The following TMEM245 variants were observed in gnomAD, a reference collection of about 807,000 sequenced individuals.
TMEM245 encodes protein CG-2.
A neutral mutation model predicts 101.2 loss-of-function variants in TMEM245; 69 were observed. That is an observed-to-expected ratio of 0.68 (90% CI 0.56 to 0.83). The LOEUF (loss-of-function observed/expected upper bound fraction) is 0.83. Among genes scored for constraint, TMEM245 ranks in the 40% least tolerant of loss-of-function variants. The pLI, the probability that TMEM245 is intolerant of heterozygous loss-of-function variation, is 0.00. For synonymous variants in TMEM245, 537 were observed against 449.8 expected, an observed-to-expected ratio of 1.19 and a Z score of -2.45; for missense variants, 1,075 against 1,092.8, an observed-to-expected ratio of 0.98 and a Z score of 0.23.
At chr9:109,041,452 A>ATTT (rs1475469527) in intron 14 of TMEM245, among the ~76,000 whole-genome samples, 4 of 129,668 alleles carry the variant, frequency 3.1e-5, no homozygotes, top group African/African-American at 9.7e-5. Context: ...CCATCCTACA[A>ATTT]ATTTTTTTTT....
intron 14 of TMEM245, among the ~76,000 whole-genome samples, chr9:109,044,623 G>C (rs563549013): frequency 6.6e-6 from 1 of 152,128 alleles, no homozygotes; most frequent in Non-Finnish European, 1.5e-5. Context: ...ACAATAACCA[G>C]TGGGAAAAGT....
At chr9:109,093,969 T>A (rs1478273536) in intron 3 of TMEM245, among the ~76,000 whole-genome samples, 3 of 152,246 alleles carry the variant, frequency 2.0e-5, no homozygotes, top group Non-Finnish European at 4.4e-5. Context: ...CTATGTTGTA[T>A]GACTAGGTCT....
chr9:109,086,846 A>G (rs1333882593), intron 6 of TMEM245, among the ~76,000 whole-genome samples: 1 of 152,200 alleles, frequency 6.6e-6, no homozygotes, highest in Non-Finnish European at 1.5e-5. Flanking sequence ...AATATTCACT[A>G]AACTGAGCCA....
At chr9:109,081,035 C>A in intron 7 of TMEM245, 92 bp from the exon 8 acceptor site, 1 of 850,474 alleles carries the variant, frequency 1.2e-6, no homozygotes, top group Non-Finnish European at 1.9e-6. Context: ...AACAGGATCT[C>A]CAGCATGGCA....
chr9:109,071,025 G>C (rs1211936772), intron 9 of TMEM245, among the ~76,000 whole-genome samples: 1 of 152,028 alleles, frequency 6.6e-6, no homozygotes, highest in South Asian at 2.1e-4. Flanking sequence ...GGGATTACAG[G>C]TGTGTGCCAC....
chr9:109,119,856 C>T lies in TMEM245; in HGVS notation c.58G>A (p.Ala20Thr). 7.5e-7 allele frequency: 1 copy of T among 1,329,044 alleles called. No homozygotes were observed. The highest frequency in any genetic ancestry group is 9.5e-7 in the Non-Finnish European group (1 of 1,049,982). 82.3% of individuals were successfully genotyped at this position (1,329,044 alleles called of 1,614,324 possible). The change falls in exon 1 of 18, where the codon GCG (alanine) becomes ACG (threonine). Residue 20 changes from alanine to threonine, a missense_variant. Ala to Thr is a moderately conservative substitution (Grantham distance 58). Around this residue, in one of 2 missense-constraint regions of TMEM245, gnomAD observed 808 missense variants for 741.5 expected, o/e 1.09. Transcript: ENST00000374586. The stretch of plus-strand genomic sequence containing the variant: ...CCGACCGCGCGCGGGACCCGCGGCG[C>T]CGGCCCGGGAGAGCTCCGCAGGCTT... ...APSLRSSPGP[A>T]PRVPRAVGPS... is the part of the protein sequence containing the mutation.
At chr9:109,052,368 G>A (rs1828711005) in intron 12 of TMEM245, among the ~76,000 whole-genome samples, 1 of 152,236 alleles carries the variant, frequency 6.6e-6, no homozygotes, top group Admixed American at 6.5e-5. Flanking sequence ...AAGCTAGTAA[G>A]TGGAACTAGA....
At chr9:109,043,809 T>C (rs575200) in intron 14 of TMEM245, among the ~76,000 whole-genome samples, 134,604 of 152,126 alleles carry the variant, frequency 0.88, 60,317 homozygotes, top group East Asian at 1. Context: ...TAGACTATTA[T>C]AGAGCAGGAT....
upstream of TMEM245, chr9:109,119,947 T>TA: frequency 7.8e-7 from 1 of 1,287,520 alleles, no homozygotes; most frequent in Non-Finnish European, 9.8e-7. Context: ...CGAGGGGCGG[T>TA]AATGGGAGTC....
chr9:109,062,442 T>C (rs1047329149), intron 10 of TMEM245, among the ~76,000 whole-genome samples: 1 of 152,240 alleles, frequency 6.6e-6, no homozygotes, highest in Non-Finnish European at 1.5e-5. Flanking sequence ...TTTTAGGGAA[T>C]TTAACAGGTG....
intron 12 of TMEM245, 40 bp from the exon 13 acceptor site, chr9:109,050,732 A>G (rs369202102): frequency 2.5e-6 from 4 of 1,609,554 alleles, no homozygotes; most frequent in African/African-American, 1.4e-5. Flanking sequence ...ACCAATCCTC[A>G]TGAAAAAAGT....
intron 12 of TMEM245, among the ~76,000 whole-genome samples, chr9:109,051,222 G>A (rs1828670118): frequency 6.6e-6 from 1 of 151,128 alleles, no homozygotes; most frequent in Admixed American, 6.6e-5. Flanking sequence ...AACCCAGGAG[G>A]CAGGGGTTGC....
At chr9:109,034,324 CT>C (rs1828056002) in intron 16 of TMEM245, among the ~76,000 whole-genome samples, 4 of 152,174 alleles carry the variant, frequency 2.6e-5, no homozygotes, top group Admixed American at 2.6e-4. Context: ...GAGAACCAGT[CT>C]TCAGGAAACC....
rs778283867 is a variant in TMEM245 at position 109,020,399 on chromosome 9, C to A, written c.*61G>T. On this transcript the variant is annotated 3_prime_UTR_variant, in exon 18 of 18. Transcript: ENST00000374586. ...CAGCTGGAAGGGCAGAGGGCCACAG[C>A]TGAGCTGAACTCGCTGTCAAATTTG... 1 of 1,551,592 alleles carries A rather than the reference C, an allele frequency of 6.4e-7. No individual in the cohort carries two copies.
At chr9:109,100,085 G>A (rs924805577) in intron 3 of TMEM245, among the ~76,000 whole-genome samples, 9 of 152,178 alleles carry the variant, frequency 5.9e-5, no homozygotes, top group African/African-American at 2.2e-4. Context: ...AACAGACTAA[G>A]CCATAAGGTT....
intron 17 of TMEM245, among the ~76,000 whole-genome samples, chr9:109,030,572 G>C (rs544959195): frequency 2.0e-5 from 3 of 152,288 alleles, no homozygotes; most frequent in African/African-American, 4.8e-5. Context: ...CCATGGAACA[G>C]AGCCTCAAGT....
At chr9:109,118,182 T>C (rs1305858921) in intron 1 of TMEM245, among the ~76,000 whole-genome samples, 2 of 152,228 alleles carry the variant, frequency 1.3e-5, no homozygotes, top group Non-Finnish European at 2.9e-5. Flanking sequence ...ACACCTAACA[T>C]ATGCTCGATC....
chr9:109,078,784 T>C (rs1829590162), intron 8 of TMEM245, among the ~76,000 whole-genome samples: 1 of 152,232 alleles, frequency 6.6e-6, no homozygotes, highest in Admixed American at 6.5e-5. Context: ...TGTTAATGTT[T>C]TTCACCAAAC....
At chr9:109,050,453 C>T (rs774696858) in intron 13 of TMEM245, 25 bp from the exon 14 acceptor site, 4 of 1,612,222 alleles carry the variant, frequency 2.5e-6, no homozygotes, top group Admixed American at 1.7e-5. Flanking sequence ...ACAACATCTC[C>T]TAAAAAAATC....
Sources: gnomAD v4.1 joint callset for allele counts (sites outside exome capture counted in the v4.1 genomes callset) on GRCh38, gnomAD v4.1.1 for gene constraint, gnomAD v4.1.1 regional missense constraint, MANE v1.5 for transcripts, NCBI Gene and HGNC (gene_info 2026-07-23, HGNC 2026-07-21) for gene names.